ZHX2: variants seen among roughly 807,000 people sequenced by gnomAD.
The protein encoded by ZHX2 is zinc fingers and homeoboxes 2.
A neutral mutation model predicts 21.9 loss-of-function variants in ZHX2; 6 were observed. The ratio of observed to expected loss-of-function variants is 0.27; its 90% CI spans 0.15 to 0.54. The LOEUF is 0.54. Ranked by LOEUF, ZHX2 falls within the 20% of genes least tolerant of loss-of-function variation. ZHX2 has a pLI of 0.95. For missense variants in ZHX2, 908 were observed against 1,090.7 expected (o/e 0.83, Z 2.36); for synonymous variants, 434 against 437.1 (o/e 0.99, Z 0.09).
At chr8:122,905,999 C>T (rs1041566098) in intron 2 of ZHX2, among the ~76,000 whole-genome samples, 1 of 152,136 alleles carries the variant, frequency 6.6e-6, no homozygotes, top group African/African-American at 2.4e-5. Context: ...TAGTTTCCTG[C>T]AAGAACAGAG....
At chr8:122,869,929 A>G (rs1483386645) in intron 2 of ZHX2, among the ~76,000 whole-genome samples, 5 of 152,234 alleles carry the variant, frequency 3.3e-5, no homozygotes, top group African/African-American at 1.2e-4. Context: ...TAAAAGTGTT[A>G]GTAAAAACAA....
intron 1 of ZHX2, among the ~76,000 whole-genome samples, chr8:122,840,872 G>A (rs1168546670): frequency 1.3e-5 from 2 of 152,188 alleles, no homozygotes; most frequent in Non-Finnish European, 2.9e-5. Flanking sequence ...ACTTGCTCAA[G>A]GTCACTCAGC....
intron 3 of ZHX2, among the ~76,000 whole-genome samples, chr8:122,961,873 A>G (rs890463659): frequency 6.6e-6 from 1 of 152,226 alleles, no homozygotes; most frequent in African/African-American, 2.4e-5. Flanking sequence ...ATTAGTACCA[A>G]TAGATACTGC....
intron 2 of ZHX2, among the ~76,000 whole-genome samples, chr8:122,915,328 G>A (rs1215912482): frequency 6.6e-6 from 1 of 152,144 alleles, no homozygotes; most frequent in Admixed American, 6.5e-5. Flanking sequence ...CTATAAGAGT[G>A]GATGTCCCTT....
intron 2 of ZHX2, among the ~76,000 whole-genome samples, chr8:122,950,210 G>A (rs371429069): frequency 6.6e-5 from 10 of 152,076 alleles, no homozygotes; most frequent in Admixed American, 2.0e-4. Flanking sequence ...AGCCAAAAAC[G>A]AAATAAATTT....
intron 2 of ZHX2, among the ~76,000 whole-genome samples, chr8:122,928,076 A>G (rs1227512950): frequency 1.3e-5 from 2 of 152,120 alleles, no homozygotes; most frequent in African/African-American, 4.8e-5. Flanking sequence ...CACTATCAGT[A>G]CTTCTGTTTT....
chr8:122,875,605 A>T (rs78996522), intron 2 of ZHX2, among the ~76,000 whole-genome samples: 3,828 of 152,302 alleles, frequency 0.025, 138 homozygotes, highest in African/African-American at 0.074. Flanking sequence ...GTGCGGTAGT[A>T]GTAGACGTGG....
At chr8:122,967,864 G>A (rs138655184) in intron 3 of ZHX2, among the ~76,000 whole-genome samples, 80 of 152,248 alleles carry the variant, frequency 5.3e-4, no homozygotes, top group Middle Eastern at 3.4e-3. Context: ...ATGAGTACTC[G>A]GGTTTCTTAG....
chr8:122,936,477 C>T (rs1442616195), intron 2 of ZHX2, among the ~76,000 whole-genome samples: 5 of 152,150 alleles, frequency 3.3e-5, no homozygotes, highest in Non-Finnish European at 1.5e-5. Flanking sequence ...TGACAGGTAA[C>T]CCTGAGAGAA....
At chr8:122,927,504 A>T (rs1361112980) in intron 2 of ZHX2, among the ~76,000 whole-genome samples, 1 of 152,070 alleles carries the variant, frequency 6.6e-6, no homozygotes, top group African/African-American at 2.4e-5. Flanking sequence ...TAAAAAAAAA[A>T]TACCCAAAAC....
At chr8:122,949,503 A>C (rs1266472248) in intron 2 of ZHX2, among the ~76,000 whole-genome samples, 14 of 152,178 alleles carry the variant, frequency 9.2e-5, no homozygotes, top group Admixed American at 9.2e-4. Flanking sequence ...CAAATCTTTG[A>C]AAACAATCCA....
intron 1 of ZHX2, among the ~76,000 whole-genome samples, chr8:122,818,296 A>G (rs1818073414): frequency 7.4e-6 from 1 of 136,008 alleles, no homozygotes; most frequent in Non-Finnish European, 1.6e-5. Flanking sequence ...ACTAAGGAAA[A>G]TTAAAAAAAA....
intron 2 of ZHX2, among the ~76,000 whole-genome samples, chr8:122,869,382 C>T (rs1380246218): frequency 6.6e-6 from 1 of 151,162 alleles, no homozygotes; most frequent in Non-Finnish European, 1.5e-5. Context: ...GGCTGGAGTG[C>T]AGTGCTGCGA....
At chr8:122,816,605 C>T (rs1350833671) in intron 1 of ZHX2, 2 of 147,826 alleles carry the variant, frequency 1.4e-5, no homozygotes, top group Admixed American at 1.4e-4. Context: ...AGTTGTAAAG[C>T]CTCATTTTTA....
chr8:122,876,560 G>C (rs141281648), intron 2 of ZHX2, among the ~76,000 whole-genome samples: 1 of 152,168 alleles, frequency 6.6e-6, no homozygotes, highest in Non-Finnish European at 1.5e-5. Context: ...TGTTCTGGAG[G>C]CTGGGAGCCA....
chr8:122,840,590 A>G (rs1478566808), intron 1 of ZHX2, among the ~76,000 whole-genome samples: 2 of 152,232 alleles, frequency 1.3e-5, no homozygotes, highest in Non-Finnish European at 2.9e-5. Context: ...AAAATTCATT[A>G]CAAGCACAGA....
intron 1 of ZHX2, among the ~76,000 whole-genome samples, chr8:122,849,927 G>A (rs1818848391): frequency 6.6e-6 from 1 of 152,070 alleles, no homozygotes; most frequent in South Asian, 2.1e-4. Flanking sequence ...AATCTGTACT[G>A]AGCCACAATT....
At chr8:122,915,353 G>A (rs1009693558) in intron 2 of ZHX2, among the ~76,000 whole-genome samples, 1 of 152,174 alleles carries the variant, frequency 6.6e-6, no homozygotes, top group Non-Finnish European at 1.5e-5. Context: ...CCATCCTGCA[G>A]CTGCTCCCTC....
At position 122,935,825 on chromosome 8, in the gene ZHX2, A is replaced by G. The variant is rs1310345369; in HGVS notation, c.-219-15467A>G. 1.2e-4 allele frequency among the ~76,000 whole-genome samples: 18 copies of G among 152,138 alleles called. No individual in the cohort carries two copies. The South Asian group carries it at 2.7e-3, about 23-fold the overall frequency. ...GCTGGGATTACAGGTGTGAGCCACC[A>G]CGCCCGGCCGAGAGTCACTCTTTAG... On this transcript the variant is annotated intron_variant, in intron 2 of 3. Transcript: ENST00000314393.
Sources: gnomAD v4.1 joint callset for allele counts (sites outside exome capture counted in the v4.1 genomes callset) on GRCh38, gnomAD v4.1.1 for gene constraint, MANE v1.5 for transcripts, NCBI Gene and HGNC (gene_info 2026-07-23, HGNC 2026-07-21) for gene names.